The following SHISA9 variants were observed in gnomAD, a reference collection of about 807,000 sequenced individuals.
SHISA9 encodes the protein shisa family member 9, also known as protein shisa-9.
Under a neutral mutation model 38.0 loss-of-function variants are expected in SHISA9, and 13 were observed. That is an observed-to-expected ratio of 0.34 (90% CI 0.22 to 0.54). The LOEUF is 0.54. Among genes scored for constraint, SHISA9 ranks in the 20% least tolerant of loss-of-function variants. The pLI is 0.91. For synonymous variants in SHISA9, 275 were observed against 242.0 expected (o/e 1.14, Z -1.27); for missense variants, 538 against 575.8 (o/e 0.93, Z 0.67).
At chr16:12,940,465 C>A (rs1286075731) in intron 2 of SHISA9, among the ~76,000 whole-genome samples, 1 of 149,364 alleles carries the variant, frequency 6.7e-6, no homozygotes, top group East Asian at 2.1e-4. Context: ...TCACTATGTG[C>A]CTGCCTTATC....
At chr16:13,515,841 G>A in the SHISA9 span, among the ~76,000 whole-genome samples, 2 of 152,136 alleles carry the variant, frequency 1.3e-5, no homozygotes, top group African/African-American at 4.8e-5. Flanking sequence ...TCCAAGATTA[G>A]GAATATTAAA....
chr16:13,516,392 C>T, the SHISA9 span, among the ~76,000 whole-genome samples: 1 of 152,144 alleles, frequency 6.6e-6, no homozygotes, highest in Non-Finnish European at 1.5e-5. Flanking sequence ...TTGGAGAAAA[C>T]CCCTACAGAA....
chr16:13,493,538 G>A, the SHISA9 span, among the ~76,000 whole-genome samples: 43,348 of 152,046 alleles, frequency 0.29, 6,780 homozygotes, highest in East Asian at 0.37. Context: ...TAGGAGGTAC[G>A]TTCTAATGAG....
the SHISA9 span, among the ~76,000 whole-genome samples, chr16:13,479,481 A>G: frequency 3.9e-5 from 6 of 152,200 alleles, no homozygotes; most frequent in African/African-American, 1.4e-4. Context: ...AACTGACTCT[A>G]GGAGATGTCA....
the SHISA9 span, among the ~76,000 whole-genome samples, chr16:13,487,341 G>A: frequency 2.6e-5 from 4 of 152,256 alleles, no homozygotes; most frequent in Non-Finnish European, 4.4e-5. Context: ...TCACAGTTCT[G>A]TAGGGCGTAC....
chr16:13,263,410 T>G, the SHISA9 span, among the ~76,000 whole-genome samples: 3 of 152,144 alleles, frequency 2.0e-5, no homozygotes, highest in Admixed American at 6.5e-5. Context: ...GTGCTGTTCT[T>G]GTGATGGTGA....
chr16:13,357,274 G>T, the SHISA9 span, among the ~76,000 whole-genome samples: 2 of 152,136 alleles, frequency 1.3e-5, no homozygotes, highest in African/African-American at 4.8e-5. Context: ...TTGGGTTCAC[G>T]GATAAAACAT....
the SHISA9 span, among the ~76,000 whole-genome samples, chr16:13,359,922 A>G: frequency 1.3e-5 from 2 of 152,200 alleles, no homozygotes; most frequent in Admixed American, 1.3e-4. Context: ...CTGGTCCCCC[A>G]AGACTCAAGA....
the SHISA9 span, among the ~76,000 whole-genome samples, chr16:13,560,984 C>T: frequency 6.6e-6 from 1 of 152,138 alleles, no homozygotes. Context: ...CTGCCTCAGC[C>T]TCCCGAGTAG....
intron 2 of SHISA9, among the ~76,000 whole-genome samples, chr16:13,069,933 A>G (rs1017359463): frequency 6.6e-6 from 1 of 152,096 alleles, no homozygotes; most frequent in African/African-American, 2.4e-5. Context: ...CAGCACTTTA[A>G]TCTTGGTCTT....
chr16:12,947,998 C>A (rs1380661832), intron 2 of SHISA9, among the ~76,000 whole-genome samples: 1 of 152,200 alleles, frequency 6.6e-6, no homozygotes, highest in Non-Finnish European at 1.5e-5. Context: ...GTTGGATAAA[C>A]ACCATAGCCT....
Position 12,994,832 on chromosome 16 carries a change from G to C in SHISA9, c.691+78017G>C, listed in dbSNP as rs572126231. On this transcript the variant is annotated intron_variant, in intron 2 of 4. Transcript: ENST00000558583. ...TGGCATAGACAGCTGGGTGGATAGA[G>C]GTCCCATTTACTATGATTAAGAAGA... is the stretch of plus-strand genomic sequence containing the variant. Among the ~76,000 whole-genome samples, 45 of 152,234 alleles carry C rather than the reference G, an allele frequency of 3.0e-4. 2 individuals are homozygous for C. In the South Asian group the frequency reaches 9.4e-3, roughly 32 times the overall value.
intron 2 of SHISA9, among the ~76,000 whole-genome samples, chr16:13,112,921 A>T (rs1006173082): frequency 6.6e-6 from 1 of 151,992 alleles, no homozygotes; most frequent in African/African-American, 2.4e-5. Flanking sequence ...TAGAGTAAAA[A>T]ATTTGAGGCC....
At chr16:13,116,044 C>T (rs566731667) in intron 2 of SHISA9, among the ~76,000 whole-genome samples, 23 of 152,244 alleles carry the variant, frequency 1.5e-4, no homozygotes, top group East Asian at 5.8e-4. Flanking sequence ...CTTATGATTG[C>T]GATTATATCT....
chr16:13,249,788 T>G, the SHISA9 span, among the ~76,000 whole-genome samples: 1 of 152,164 alleles, frequency 6.6e-6, no homozygotes, highest in South Asian at 2.1e-4. Context: ...CAAGCTAGAG[T>G]GCAGTGGCAT....
intron 2 of SHISA9, among the ~76,000 whole-genome samples, 172 bp downstream of exon 2, chr16:12,916,987 G>A (rs191962950): frequency 6.6e-6 from 1 of 152,144 alleles, no homozygotes; most frequent in Non-Finnish European, 1.5e-5. Flanking sequence ...TCCGATGTCC[G>A]TTGGTTGCTT....
At chr16:13,240,623 G>A (rs551283148), downstream of SHISA9, among the ~76,000 whole-genome samples, 1 of 152,308 alleles carries the variant, frequency 6.6e-6, no homozygotes, top group African/African-American at 2.4e-5. Flanking sequence ...TGGTAAGTTT[G>A]TGTCACATCT....
chr16:13,220,089 TA>T (rs1394737084), intron 4 of SHISA9, among the ~76,000 whole-genome samples: 1 of 152,234 alleles, frequency 6.6e-6, no homozygotes, highest in Non-Finnish European at 1.5e-5. Context: ...GCGTAACAAA[TA>T]ACCTCAAATC....
At chr16:13,190,615 G>A (rs914477328) in intron 2 of SHISA9, among the ~76,000 whole-genome samples, 2 of 152,136 alleles carry the variant, frequency 1.3e-5, no homozygotes, top group Non-Finnish European at 2.9e-5. Flanking sequence ...ATCATTCACC[G>A]TTGCTGGTTG....
Sources: allele counts gnomAD v4.1 joint callset (sites outside exome capture counted in the v4.1 genomes callset), GRCh38; gene constraint gnomAD v4.1.1; transcripts MANE v1.5; gene names NCBI Gene and HGNC (gene_info 2026-07-23, HGNC 2026-07-21).